The following PABPC4L variants were observed in gnomAD, a reference collection of about 807,000 sequenced individuals.
The protein encoded by PABPC4L is polyadenylate-binding protein 4-like.
For synonymous variants in PABPC4L, 169 were observed against 164.1 expected, an observed-to-expected ratio of 1.03 and a Z score of -0.23; for missense variants, 452 against 451.4, an observed-to-expected ratio of 1.00 and a Z score of -0.01.
At chr4:134,137,370 A>G in the PABPC4L span, among the ~76,000 whole-genome samples, 1 of 151,884 alleles carries the variant, frequency 6.6e-6, no homozygotes, top group Non-Finnish European at 1.5e-5. Context: ...GATCTTCTAC[A>G]ATGAAATCCA....
chr4:134,171,869 C>T, the PABPC4L span, among the ~76,000 whole-genome samples: 1 of 151,982 alleles, frequency 6.6e-6, no homozygotes, highest in African/African-American at 2.4e-5. Flanking sequence ...TATATACCAA[C>T]AACATCCAAG....
At chr4:134,064,674 T>C in the PABPC4L span, among the ~76,000 whole-genome samples, 2 of 152,196 alleles carry the variant, frequency 1.3e-5, no homozygotes, top group Admixed American at 1.3e-4. Flanking sequence ...CACAGGAGTT[T>C]GGTGTACAGA....
chr4:134,033,512 C>T, the PABPC4L span, among the ~76,000 whole-genome samples: 2 of 151,828 alleles, frequency 1.3e-5, no homozygotes, highest in East Asian at 3.9e-4. Context: ...AACTAGGCCT[C>T]TTGTACCAAT....
At chr4:134,051,547 T>C in the PABPC4L span, among the ~76,000 whole-genome samples, 2 of 152,110 alleles carry the variant, frequency 1.3e-5, no homozygotes, top group Non-Finnish European at 2.9e-5. Context: ...TCAAAACACA[T>C]TTAGATACCC....
the PABPC4L span, among the ~76,000 whole-genome samples, chr4:133,982,727 C>T: frequency 6.6e-6 from 1 of 151,896 alleles, no homozygotes; most frequent in African/African-American, 2.4e-5. Context: ...GGTTGCATTC[C>T]ATGCTAATTT....
the PABPC4L span, among the ~76,000 whole-genome samples, chr4:134,107,152 TA>T: frequency 2.8e-4 from 43 of 151,420 alleles, no homozygotes; most frequent in Non-Finnish European, 5.6e-4. Context: ...TTCACAGAGC[TA>T]AAACGATTTA....
the PABPC4L span, among the ~76,000 whole-genome samples, chr4:133,957,363 A>T: frequency 6.6e-6 from 1 of 152,196 alleles, no homozygotes; most frequent in Non-Finnish European, 1.5e-5. Flanking sequence ...ACCATGTCTC[A>T]CATCCAGGTC....
chr4:134,126,222 T>C, the PABPC4L span, among the ~76,000 whole-genome samples: 3 of 152,128 alleles, frequency 2.0e-5, no homozygotes, highest in Admixed American at 2.0e-4. Flanking sequence ...GAATTAGATG[T>C]GCCCCTGGGG....
intron 1 of PABPC4L, 139 bp downstream of exon 1, chr4:134,201,579 T>C: frequency 5.3e-6 from 1 of 187,216 alleles, no homozygotes; most frequent in Non-Finnish European, 1.1e-5. Flanking sequence ...AAGGGCGTCC[T>C]GAAGACCTAG....
the PABPC4L span, among the ~76,000 whole-genome samples, chr4:134,085,955 C>T: frequency 6.6e-6 from 1 of 152,046 alleles, no homozygotes; most frequent in African/African-American, 2.4e-5. Context: ...TAAATATGTT[C>T]TGCTATAAAA....
the PABPC4L span, among the ~76,000 whole-genome samples, chr4:133,996,747 C>A: frequency 1.7e-3 from 265 of 152,280 alleles, 1 homozygote; most frequent in Non-Finnish European, 1.3e-3. Flanking sequence ...GGGGACCGCA[C>A]TGCTTAGCAC....
the PABPC4L span, among the ~76,000 whole-genome samples, chr4:134,000,258 GA>G: frequency 6.6e-6 from 1 of 152,096 alleles, no homozygotes; most frequent in African/African-American, 2.4e-5. Flanking sequence ...TTAATGCCAT[GA>G]ACATTAGATG....
the PABPC4L span, among the ~76,000 whole-genome samples, chr4:134,015,446 C>G: frequency 1.8e-4 from 28 of 152,048 alleles, no homozygotes; most frequent in African/African-American, 6.0e-4. Context: ...TCCTTTGCAC[C>G]CTTCATCCCA....
At chr4:134,182,101 C>T in the PABPC4L span, among the ~76,000 whole-genome samples, 4 of 149,572 alleles carry the variant, frequency 2.7e-5, no homozygotes, top group African/African-American at 9.8e-5. Context: ...ACTAAAAAAA[C>T]AAAAACAAAA....
the PABPC4L span, among the ~76,000 whole-genome samples, chr4:133,960,891 C>T: frequency 6.6e-6 from 1 of 152,058 alleles, no homozygotes; most frequent in Non-Finnish European, 1.5e-5. Context: ...CCACATCCCC[C>T]ACAGCAGCCA....
the PABPC4L span, among the ~76,000 whole-genome samples, chr4:134,046,494 G>GGAGGCCTTCCTCTTATCTCAACTGCAAA: frequency 6.6e-6 from 1 of 151,924 alleles, no homozygotes; most frequent in Non-Finnish European, 1.5e-5. Flanking sequence ...TGCAGGAGAT[G>GGAGGCCTTCCTCTTATCTCAACTGCAAA]GAGGCCTTCC....
chr4:134,179,315 T>A, the PABPC4L span, among the ~76,000 whole-genome samples: 1 of 151,954 alleles, frequency 6.6e-6, no homozygotes, highest in Non-Finnish European at 1.5e-5. Context: ...AGAAATAAGA[T>A]CCTTTTCAGA....
the PABPC4L span, among the ~76,000 whole-genome samples, chr4:134,057,080 G>C: frequency 6.6e-6 from 1 of 151,956 alleles, no homozygotes; most frequent in Admixed American, 6.6e-5. Flanking sequence ...GGGAGTTTTT[G>C]TTATGAATAA....
chr4:134,108,358 CT>C, the PABPC4L span, among the ~76,000 whole-genome samples: 1 of 151,706 alleles, frequency 6.6e-6, no homozygotes, highest in African/African-American at 2.4e-5. Flanking sequence ...AGCTTTTGCT[CT>C]TTTATTTATG....
Sources: allele counts gnomAD v4.1 joint callset (sites outside exome capture counted in the v4.1 genomes callset), GRCh38; gene constraint gnomAD v4.1.1; transcripts MANE v1.5; gene names NCBI Gene and HGNC (gene_info 2026-07-23, HGNC 2026-07-21).